VIL1: variants seen among roughly 807,000 people sequenced by gnomAD.
The protein encoded by VIL1 is villin 1, also known as villin-1.
Under a neutral mutation model 104.0 loss-of-function variants are expected in VIL1, and 86 were observed. That is an observed-to-expected ratio of 0.83 (90% CI 0.69 to 0.99). VIL1 has a LOEUF of 0.99. Ranked by LOEUF, VIL1 falls within the 50% of genes least tolerant of loss-of-function variation. VIL1 has a pLI of 0.00. For synonymous variants in VIL1, 394 were observed against 412.6 expected (o/e 0.95, Z 0.55); for missense variants, 944 against 1,054.1 (o/e 0.90, Z 1.45).
chr2:218,432,168 G>A lies in VIL1; in HGVS notation c.1326G>A (p.Leu442=). Residue 442 remains leucine (L), a synonymous_variant, in exon 12 of 20, where the codon CTG becomes CTA. Coordinates refer to ENST00000248444, the MANE Select transcript of VIL1 (RefSeq NM_007127.3). The part of the protein sequence containing the change: ...TYLIGEKQHY[L]LYVWQGSQAS... ...TCATCGGCGAGAAGCAGCATTACCT[G>A]CTCTACGTTTGGCAGGTCAGGTCCC... The A allele has an allele frequency of 2.5e-6, 4 of 1,613,386 alleles. No individual in the cohort carries two copies. The highest frequency in any genetic ancestry group is 3.4e-6 in the Non-Finnish European group (4 of 1,179,866).
chr2:218,433,047 G>A, intron 13 of VIL1, 96 bp downstream of exon 13: 2 of 1,469,730 alleles, frequency 1.4e-6, no homozygotes, highest in Non-Finnish European at 1.9e-6. Flanking sequence ...AGCAGGGCTT[G>A]AGGTGAAGCC....
chr2:218,448,623 C>T (rs1689408358), intron 19 of VIL1, among the ~76,000 whole-genome samples: 1 of 151,790 alleles, frequency 6.6e-6, no homozygotes, highest in Non-Finnish European at 1.5e-5. Context: ...AAAGAGGAGT[C>T]CTAATTCTTA....
At position 218,449,256 on chromosome 2, in the gene VIL1, T is replaced by C; in HGVS notation, c.2404T>C (p.Phe802Leu). Reference sequence around the variant, plus strand: ...GTCCATTGAAGATTTCACTCAGGCCTTTGGGATGACTCCAGCTGCCTTCTC... The same window carrying C: ...GTCCATTGAAGATTTCACTCAGGCCCTTGGGATGACTCCAGCTGCCTTCTC... ...HLSIEDFTQA[F>L]GMTPAAFSAL... The change falls in exon 20 of 20, where the codon TTT becomes CTT. Residue 802 changes from phenylalanine (F) to leucine (L), a missense_variant. Physicochemically the swap from Phe to Leu is conservative, Grantham distance 22. Transcript: ENST00000248444. 1 of 1,614,024 alleles carries C rather than the reference T, an allele frequency of 6.2e-7. No individual in the cohort carries two copies. Among genetic ancestry groups the C allele is most frequent in the Non-Finnish European group, 8.5e-7 (1 of 1,179,926 alleles).
intron 1 of VIL1, among the ~76,000 whole-genome samples, chr2:218,419,678 G>T (rs1688867862): frequency 6.6e-6 from 1 of 152,172 alleles, no homozygotes; most frequent in African/African-American, 2.4e-5. Flanking sequence ...AATTGAATGG[G>T]CACACACAGA....
intron 9 of VIL1, 40 bp from the exon 10 acceptor site, chr2:218,430,685 G>C (rs1260584209): frequency 6.5e-7 from 1 of 1,547,584 alleles, no homozygotes; most frequent in Admixed American, 1.9e-5. Flanking sequence ...GTGGGGACTA[G>C]GGGAGGTGCA....
chr2:218,440,104 G>A (rs753108422), intron 18 of VIL1, among the ~76,000 whole-genome samples: 1 of 152,174 alleles, frequency 6.6e-6, no homozygotes, highest in African/African-American at 2.4e-5. Flanking sequence ...TCAAGGTTAA[G>A]TGAATTTATA....
At chr2:218,425,962 G>A in intron 4 of VIL1, 151 bp downstream of exon 4, 1 of 820,358 alleles carries the variant, frequency 1.2e-6, no homozygotes, top group Non-Finnish European at 1.8e-6. Flanking sequence ...GCGGGGAAGG[G>A]ACCCTGAAGC....
chr2:218,426,633 G>C (rs1329018485), intron 4 of VIL1, among the ~76,000 whole-genome samples: 2 of 149,652 alleles, frequency 1.3e-5, no homozygotes, highest in Admixed American at 1.3e-4. Flanking sequence ...ACAGAGTCTT[G>C]TTCTGCCGCC....
At chr2:218,425,897 C>T (rs981431682) in intron 4 of VIL1, 86 bp downstream of exon 4, 92 of 1,416,744 alleles carry the variant, frequency 6.5e-5, no homozygotes, top group East Asian at 1.9e-4. Flanking sequence ...GGCAGGGACA[C>T]CCAGACCTGT....
Position 218,429,266 on chromosome 2 carries a change from A to C in VIL1, c.568-19A>C, listed in dbSNP as rs757533524. Reference sequence around the variant, plus strand: ...ATTCCCCGACTACTCCCGATGGGTCACCAGGGGCCTTCCTGCAGGGCATGA... The same window carrying C: ...ATTCCCCGACTACTCCCGATGGGTCCCCAGGGGCCTTCCTGCAGGGCATGA... On this transcript the variant is annotated intron_variant, in intron 6 of 19. Coordinates refer to ENST00000248444, the MANE Select transcript of VIL1 (RefSeq NM_007127.3). 2 of 1,602,916 alleles carry C rather than the reference A, an allele frequency of 1.2e-6. No homozygotes were observed. Among genetic ancestry groups the C allele is most frequent in the East Asian group, 4.5e-5 (2 of 44,746 alleles).
rs758098435 is a variant in VIL1, at chr2:218,427,947, GCTCACC to G, written c.348-17_348-12del. ...CCTCCCAGCCCACTTCCTTGGGTCA[GCTCACC>G]TCTCTTCTCAGGATCCGGAAAGGGG... On this transcript the variant is annotated splice_polypyrimidine_tract_variant and intron_variant, in intron 4 of 19. Transcript: ENST00000248444. 6.2e-7 allele frequency: 1 copy of G among 1,612,318 alleles called. No homozygotes were observed. Among genetic ancestry groups the G allele is most frequent in the Admixed American group, 1.7e-5 (1 of 60,006 alleles).
At chr2:218,433,582 G>A (rs1157951034) in intron 13 of VIL1, among the ~76,000 whole-genome samples, 1 of 151,678 alleles carries the variant, frequency 6.6e-6, no homozygotes, top group African/African-American at 2.4e-5. Context: ...ACAAGGGCCT[G>A]GGGGAGAGGC....
chr2:218,426,734 T>C (rs558280172), intron 4 of VIL1, among the ~76,000 whole-genome samples: 18 of 152,312 alleles, frequency 1.2e-4, no homozygotes, highest in African/African-American at 3.4e-4. Context: ...CCCCAGCAGC[T>C]GGGACTACAG....
chr2:218,438,171 T>C (rs1332239066), intron 17 of VIL1, among the ~76,000 whole-genome samples: 1 of 151,890 alleles, frequency 6.6e-6, no homozygotes, highest in Non-Finnish European at 1.5e-5. Context: ...CATTCACTCA[T>C]TCATTCATTC....
At chr2:218,420,307 T>A (rs2106388642) in intron 1 of VIL1, among the ~76,000 whole-genome samples, 2 of 151,230 alleles carry the variant, frequency 1.3e-5, no homozygotes, top group African/African-American at 4.8e-5. Context: ...CGCACGCCTA[T>A]AGTCCCAGCT....
intron 17 of VIL1, among the ~76,000 whole-genome samples, chr2:218,437,685 C>T (rs769336360): frequency 4.6e-5 from 7 of 152,234 alleles, no homozygotes; most frequent in Non-Finnish European, 1.0e-4. Flanking sequence ...AGAATGTTCT[C>T]ATCATTGCAG....
chr2:218,429,548 T>A (rs1689059430), intron 7 of VIL1, 49 bp from the exon 8 acceptor site: 1 of 1,613,680 alleles, frequency 6.2e-7, no homozygotes, highest in South Asian at 1.1e-5. Context: ...GTGCCCTGGC[T>A]GAGGGACTTG....
chr2:218,419,546 T>C (rs1302104594), intron 1 of VIL1, among the ~76,000 whole-genome samples: 1 of 152,140 alleles, frequency 6.6e-6, no homozygotes, highest in Non-Finnish European at 1.5e-5. Flanking sequence ...CACCAGCTCA[T>C]CTCTTTGCCC....
In VIL1 at chr2:218,450,722, T is replaced by C. The variant is rs1415983794; in HGVS notation, c.*1386T>C. On this transcript the variant is annotated 3_prime_UTR_variant, in exon 20 of 20. Coordinates refer to ENST00000248444, the MANE Select transcript of VIL1 (RefSeq NM_007127.3). ...GTTCTTCTTTGTTCTGGCATCTGAC[T>C]GGACCAACCTGGAACCTGGTCCAGA... 6.6e-6 allele frequency: 1 copy of C among 152,246 alleles called. No homozygotes were observed. Among genetic ancestry groups the C allele is most frequent in the Non-Finnish European group, 1.5e-5 (1 of 68,048 alleles). 9.4% of individuals were successfully genotyped at this position (152,246 alleles called of 1,614,324 possible).
Sources: allele counts gnomAD v4.1 joint callset (sites outside exome capture counted in the v4.1 genomes callset), GRCh38; gene constraint gnomAD v4.1.1; transcripts MANE v1.5; gene names NCBI Gene and HGNC (gene_info 2026-07-23, HGNC 2026-07-21).